The following SOS2 variants were observed in gnomAD, a reference collection of about 807,000 sequenced individuals.
The protein encoded by SOS2 is son of sevenless homolog 2.
In SOS2, 65 loss-of-function variants were observed where a neutral mutation model predicts 148.2. The ratio of observed to expected loss-of-function variants is 0.44; its 90% CI spans 0.36 to 0.54. The LOEUF is 0.54. Among genes scored for constraint, SOS2 ranks in the 20% least tolerant of loss-of-function variants. The probability of loss-of-function intolerance (pLI) is 0.00; values close to 1 mark genes in which losing one functional copy is unlikely to be tolerated. For missense variants in SOS2, 1,341 were observed against 1,590.2 expected, an observed-to-expected ratio of 0.84 and a Z score of 2.67; for synonymous variants, 539 against 537.1, an observed-to-expected ratio of 1.00 and a Z score of -0.05.
At chr14:50,175,641 T>C (rs1463949859) in intron 7 of SOS2, among the ~76,000 whole-genome samples, 1 of 152,032 alleles carries the variant, frequency 6.6e-6, no homozygotes, top group Non-Finnish European at 1.5e-5. Context: ...TCTTAGTGTA[T>C]AGCTTGGGAT....
chr14:50,141,203 CAAAAAAAAAAAAA>C (rs71118844), intron 16 of SOS2, among the ~76,000 whole-genome samples: 1 of 30,582 alleles, frequency 3.3e-5, no homozygotes, highest in Non-Finnish European at 5.3e-5. Context: ...GACTCTGTCT[CAAAAAAAAAAAAA>C]AAAAAAAAAA....
In SOS2 at chr14:50,118,181, T is replaced by C. The variant is rs1883354391; in HGVS notation, c.*163A>G. ...CCTGAGGATAATGGTGAAGGACTTTTGTATTTTTATTTTTCCAATTCTTAA... is the reference window on the plus strand; with the variant it reads ...CCTGAGGATAATGGTGAAGGACTTTCGTATTTTTATTTTTCCAATTCTTAA... On this transcript the variant is annotated 3_prime_UTR_variant, in exon 23 of 23. Transcript: ENST00000216373. 2 of 651,896 alleles carry C rather than the reference T, an allele frequency of 3.1e-6. No homozygotes were observed. The highest frequency in any genetic ancestry group is 5.1e-6 in the Non-Finnish European group (2 of 389,564). 40.4% of individuals were successfully genotyped at this position (651,896 alleles called of 1,614,324 possible).
chr14:50,134,013 A>T, intron 19 of SOS2, 110 bp downstream of exon 19: 1 of 718,142 alleles, frequency 1.4e-6, no homozygotes, highest in East Asian at 2.6e-5. Context: ...TGCAAACAAA[A>T]CACCTAGGAA....
intron 13 of SOS2, among the ~76,000 whole-genome samples, 172 bp from the exon 14 acceptor site, chr14:50,150,402 A>G (rs1884623127): frequency 6.6e-6 from 1 of 152,150 alleles, no homozygotes; most frequent in Non-Finnish European, 1.5e-5. Flanking sequence ...ATTCTGAAAC[A>G]AATCCGAGAC....
intron 14 of SOS2, among the ~76,000 whole-genome samples, chr14:50,148,943 T>C (rs1884578521): frequency 6.6e-6 from 1 of 152,200 alleles, no homozygotes; most frequent in Admixed American, 6.5e-5. Context: ...TCACTCAAGC[T>C]GGAGTGCAGT....
chr14:50,217,278 T>C (rs978754419), intron 1 of SOS2, among the ~76,000 whole-genome samples: 5 of 152,076 alleles, frequency 3.3e-5, no homozygotes, highest in African/African-American at 1.2e-4. Context: ...AAACATACCA[T>C]ATACAGAATT....
chr14:50,195,300 G>T (rs560134628), intron 4 of SOS2, among the ~76,000 whole-genome samples: 172 of 152,242 alleles, frequency 1.1e-3, no homozygotes, highest in African/African-American at 3.8e-3. Context: ...TACTCTGTTG[G>T]TCAGACCAAA....
chr14:50,208,173 T>C (rs1323218483), intron 1 of SOS2, among the ~76,000 whole-genome samples: 2 of 152,128 alleles, frequency 1.3e-5, no homozygotes, highest in Middle Eastern at 3.4e-3. Flanking sequence ...AGAAGGCGCG[T>C]GTAGTCCCAG....
intron 21 of SOS2, among the ~76,000 whole-genome samples, chr14:50,126,757 C>G (rs1883691716): frequency 6.6e-6 from 1 of 151,418 alleles, no homozygotes; most frequent in Non-Finnish European, 1.5e-5. Flanking sequence ...GAGGATCAAT[C>G]TAGGATGTAT....
At position 50,140,026 on chromosome 14, in the gene SOS2, C is replaced by T. The variant is rs556373963; in HGVS notation, c.2701G>A (p.Glu901Lys). 3.1e-6 allele frequency: 5 copies of T among 1,604,158 alleles called. No homozygotes were observed. The highest frequency in any genetic ancestry group is 1.3e-5 in the African/African-American group (1 of 74,912). The change falls in exon 17 of 23, where the codon GAA becomes AAA. Residue 901 changes from glutamate (E) to lysine (K), a missense_variant. Transcript: ENST00000216373. ...LQERKRKILD[E>K]AVELSQDHFK... ...TGATCTTGACTTAATTCCACAGCTT[C>T]GTCCAAAATTTTCCTTTTCCTTTCC...
At chr14:50,127,671 T>A (rs1053651458) in intron 21 of SOS2, among the ~76,000 whole-genome samples, 21 of 152,182 alleles carry the variant, frequency 1.4e-4, no homozygotes, top group Admixed American at 3.9e-4. Context: ...GGTCCCTCTG[T>A]ATGACATTGG....
chr14:50,137,669 T>A (rs551136515), intron 18 of SOS2, among the ~76,000 whole-genome samples: 1 of 152,222 alleles, frequency 6.6e-6, no homozygotes, highest in East Asian at 1.9e-4. Context: ...ATTTTTAAAA[T>A]TTTTAATTTT....
At chr14:50,224,041 T>C (rs1257989108) in intron 1 of SOS2, among the ~76,000 whole-genome samples, 2 of 151,586 alleles carry the variant, frequency 1.3e-5, no homozygotes, top group African/African-American at 2.4e-5. Flanking sequence ...ATCCCAACAC[T>C]TGGGGGGCCG....
intron 18 of SOS2, among the ~76,000 whole-genome samples, chr14:50,137,648 A>AT: frequency 6.6e-6 from 1 of 151,734 alleles, no homozygotes; most frequent in Admixed American, 6.6e-5. Context: ...AAGATCTAAA[A>AT]TTTTTTTTTA....
chr14:50,147,415 G>A (rs1248789213), intron 14 of SOS2, among the ~76,000 whole-genome samples: 2 of 150,682 alleles, frequency 1.3e-5, no homozygotes, highest in Non-Finnish European at 2.9e-5. Flanking sequence ...GAGAGGCTGA[G>A]GCAGGAGGAT....
intron 1 of SOS2, among the ~76,000 whole-genome samples, chr14:50,229,724 G>C (rs549591810): frequency 2.6e-4 from 40 of 152,294 alleles, no homozygotes; most frequent in Non-Finnish European, 5.1e-4. Context: ...AACAAGTTAT[G>C]CAACACACAC....
intron 1 of SOS2, among the ~76,000 whole-genome samples, chr14:50,213,958 T>C (rs1313596628): frequency 6.7e-6 from 1 of 150,154 alleles, no homozygotes; most frequent in Non-Finnish European, 1.5e-5. Context: ...AGTCAACAGA[T>C]AACATCCAAA....
rs1437938599 is a variant in SOS2, at chr14:50,224,312, TATACACACACAC to T, written c.87+6873_87+6884del. Among the ~76,000 whole-genome samples, 427 of 53,272 alleles carry T rather than the reference TATACACACACAC, an allele frequency of 8.0e-3. 22 individuals carry two copies. Among genetic ancestry groups the T allele is most frequent in the Non-Finnish European group, 0.012 (314 of 27,232 alleles). 34.9% of individuals were successfully genotyped at this position (53,272 alleles called of 152,430 possible). A position where few individuals can be genotyped will look rare whatever the true frequency, so the allele number is the denominator to read the frequency against. Reference sequence around the variant, plus strand: ...TCTCAGGAAAAAAAAAAAATATATATATACACACACACACACACACACACACACACACACACA... The same window carrying T: ...TCTCAGGAAAAAAAAAAAATATATATACACACACACACACACACACACACA... On this transcript the variant is annotated intron_variant, in intron 1 of 22. Transcript: ENST00000216373.
intron 1 of SOS2, among the ~76,000 whole-genome samples, chr14:50,211,003 T>C (rs774976547): frequency 7.9e-5 from 12 of 150,988 alleles, no homozygotes; most frequent in Non-Finnish European, 1.5e-4. Flanking sequence ...AAGATATGTA[T>C]AGTCTATGAC....
Sources: allele counts gnomAD v4.1 joint callset (sites outside exome capture counted in the v4.1 genomes callset), GRCh38; gene constraint gnomAD v4.1.1; transcripts MANE v1.5; gene names NCBI Gene and HGNC (gene_info 2026-07-23, HGNC 2026-07-21).